The following DBX2 variants were observed in gnomAD, a reference collection of about 807,000 sequenced individuals.
DBX2 encodes developing brain homeobox 2, also known as homeobox protein DBX2.
A neutral mutation model predicts 17.7 loss-of-function variants in DBX2; 16 were observed. The ratio of observed to expected loss-of-function variants is 0.90; its 90% confidence interval spans 0.61 to 1.37. The LOEUF (loss-of-function observed/expected upper bound fraction) is 1.37. DBX2 is among the 40% of genes most tolerant of loss of function. DBX2 has a pLI of 0.00. For synonymous variants in DBX2, 255 were observed against 183.8 expected (o/e 1.39, Z -3.13); for missense variants, 538 against 433.8 (o/e 1.24, Z -2.13).
chr12:45,022,302 T>TG (rs1555141272), intron 3 of DBX2, among the ~76,000 whole-genome samples: 8 of 134,470 alleles, frequency 5.9e-5, no homozygotes, highest in Non-Finnish European at 1.1e-4. Flanking sequence ...ATAACTGTTT[T>TG]TTTTTTTTTT....
chr12:45,037,821 C>T (rs1946448472), intron 1 of DBX2, among the ~76,000 whole-genome samples: 1 of 151,936 alleles, frequency 6.6e-6, no homozygotes, highest in African/African-American at 2.4e-5. Context: ...CAGTTTTCTT[C>T]CTAGCACACA....
At position 45,036,132 on chromosome 12, in the gene DBX2, A is replaced by C. The variant is rs542219068; in HGVS notation, c.404-18T>G. 1.9e-6 allele frequency: 3 copies of C among 1,585,934 alleles called. No homozygotes were observed. Among genetic ancestry groups the C allele is most frequent in the South Asian group, 2.3e-5 (2 of 86,134 alleles). On this transcript the variant is annotated intron_variant, in intron 1 of 3. Transcript: ENST00000332700. Reference sequence around the variant, plus strand: ...GGAAGGTGCTGCAGAGAAAGCATTGATCTCATTGATTAGCCATTTCTTTAA... The same window carrying C: ...GGAAGGTGCTGCAGAGAAAGCATTGCTCTCATTGATTAGCCATTTCTTTAA...
At position 45,050,860 on chromosome 12, in the gene DBX2, A is replaced by G. The variant is rs1267476971; in HGVS notation, c.68T>C (p.Leu23Pro). The change falls in exon 1 of 4, where the codon CTC (leucine) becomes CCC (proline). Residue 23 changes from leucine (L) to proline (P), a missense_variant. Coordinates refer to ENST00000332700, the MANE Select transcript of DBX2 (RefSeq NM_001004329.3). ...AAAGCCGGGCGCAGCGGGGAGGTTG[A>G]GGAGCGCGGAGGAAGCCACAACGTC... Reference protein sequence around the residue: ...YWDVVASSALLNLPAAPGFGN... With the variant: ...YWDVVASSALPNLPAAPGFGN... 16 of 1,535,420 alleles carry G rather than the reference A, an allele frequency of 1.0e-5. No homozygotes were observed. The highest frequency in any genetic ancestry group is 1.4e-5 in the Non-Finnish European group (16 of 1,143,942).
At chr12:45,030,329 C>T (rs996864394) in intron 2 of DBX2, among the ~76,000 whole-genome samples, 2 of 152,234 alleles carry the variant, frequency 1.3e-5, no homozygotes, top group Non-Finnish European at 2.9e-5. Context: ...ATCTACACCA[C>T]TGCAATTCAA....
Position 45,015,558 on chromosome 12 carries a change from C to A in DBX2, c.*728G>T, listed in dbSNP as rs1565579020. 1 of 152,072 alleles carries A rather than the reference C, an allele frequency of 6.6e-6. No homozygotes were observed. The highest frequency in any genetic ancestry group is 1.5e-5 in the Non-Finnish European group (1 of 68,012). 9.4% of individuals were successfully genotyped at this position (152,072 alleles called of 1,614,324 possible). On this transcript the variant is annotated 3_prime_UTR_variant, in exon 4 of 4. Coordinates refer to ENST00000332700, the MANE Select transcript of DBX2 (RefSeq NM_001004329.3). Reference sequence around the variant, plus strand: ...AGGCCCATCTTTACAGAGAAGAGATCAAAAAATAATTATTAGTTAAATGGG... The same window carrying A: ...AGGCCCATCTTTACAGAGAAGAGATAAAAAAATAATTATTAGTTAAATGGG...
intron 2 of DBX2, among the ~76,000 whole-genome samples, chr12:45,027,797 T>C (rs530664508): frequency 4.6e-5 from 7 of 152,336 alleles, no homozygotes; most frequent in South Asian, 2.1e-4. Flanking sequence ...AGGCAAGCAT[T>C]GTAGCAGCCT....
At chr12:45,029,394 C>A (rs1359498968) in intron 2 of DBX2, among the ~76,000 whole-genome samples, 20 of 152,294 alleles carry the variant, frequency 1.3e-4, no homozygotes, top group Admixed American at 1.2e-3. Flanking sequence ...TTACCACCCT[C>A]GTTGTTTACA....
At chr12:45,047,610 T>A (rs1946506920) in intron 1 of DBX2, among the ~76,000 whole-genome samples, 1 of 152,154 alleles carries the variant, frequency 6.6e-6, no homozygotes, top group Non-Finnish European at 1.5e-5. Flanking sequence ...TCACCACCTT[T>A]CAAATATATT....
intron 1 of DBX2, among the ~76,000 whole-genome samples, chr12:45,037,145 C>T (rs1946445290): frequency 6.6e-6 from 1 of 152,102 alleles, no homozygotes. Context: ...AAACTCTTTC[C>T]TCAGTAGATG....
At chr12:45,050,358 GC>G (rs374026618) in intron 1 of DBX2, among the ~76,000 whole-genome samples, 166 bp downstream of exon 1, 5 of 152,198 alleles carry the variant, frequency 3.3e-5, no homozygotes, top group South Asian at 2.1e-4. Flanking sequence ...CTCCGCCTGG[GC>G]CCCCTACTCC....
At chr12:45,050,450 G>GGC in intron 1 of DBX2, 75 bp downstream of exon 1, 1 of 1,506,032 alleles carries the variant, frequency 6.6e-7, no homozygotes, top group East Asian at 2.5e-5. Flanking sequence ...GCGCACCGCC[G>GGC]GCGCTCCCAG....
At chr12:45,030,202 A>G (rs1946402285) in intron 2 of DBX2, among the ~76,000 whole-genome samples, 1 of 152,008 alleles carries the variant, frequency 6.6e-6, no homozygotes, top group Non-Finnish European at 1.5e-5. Context: ...CTTAACTCTG[A>G]AGACAGGGCA....
intron 2 of DBX2, among the ~76,000 whole-genome samples, chr12:45,034,331 C>T (rs1289638644): frequency 1.3e-5 from 2 of 152,142 alleles, no homozygotes; most frequent in African/African-American, 4.8e-5. Flanking sequence ...CACAGCGATG[C>T]CATCATGATA....
At chr12:45,039,871 C>T (rs1401174113) in intron 1 of DBX2, among the ~76,000 whole-genome samples, 1 of 148,768 alleles carries the variant, frequency 6.7e-6, no homozygotes. Flanking sequence ...CCAAGATTTC[C>T]ATGAGAGAGA....
At chr12:45,016,686 G>A (rs878942484) in intron 3 of DBX2, 68 bp from the exon 4 acceptor site, 2 of 1,445,260 alleles carry the variant, frequency 1.4e-6, no homozygotes, top group Non-Finnish European at 1.8e-6. Flanking sequence ...ATTTTAAACT[G>A]TAATTGCTTC....
chr12:45,022,920 C>T (rs994787338), intron 3 of DBX2, among the ~76,000 whole-genome samples: 28 of 152,264 alleles, frequency 1.8e-4, no homozygotes, highest in African/African-American at 6.5e-4. Context: ...GGGAGCCTAC[C>T]TCCAAAACCT....
intron 3 of DBX2, among the ~76,000 whole-genome samples, chr12:45,019,963 T>C (rs563185085): frequency 4.2e-4 from 64 of 152,270 alleles, no homozygotes; most frequent in African/African-American, 1.5e-3. Flanking sequence ...CTCACAAACA[T>C]ACTGTTAAGT....
At chr12:45,035,202 C>T (rs1662910490) in intron 2 of DBX2, among the ~76,000 whole-genome samples, 1 of 152,236 alleles carries the variant, frequency 6.6e-6, no homozygotes, top group Non-Finnish European at 1.5e-5. Flanking sequence ...GAGCCTGACT[C>T]AACTCTTAAT....
intron 2 of DBX2, among the ~76,000 whole-genome samples, chr12:45,029,782 T>A (rs1484749112): frequency 6.6e-6 from 1 of 151,818 alleles, no homozygotes; most frequent in East Asian, 1.9e-4. Context: ...AATAAGTGCT[T>A]GAACCTGGGA....
Sources: allele counts gnomAD v4.1 joint callset (sites outside exome capture counted in the v4.1 genomes callset), GRCh38; gene constraint gnomAD v4.1.1; transcripts MANE v1.5; gene names NCBI Gene and HGNC (gene_info 2026-07-23, HGNC 2026-07-21).